The following CPLX2 variants were observed in gnomAD, a reference collection of about 807,000 sequenced individuals.
CPLX2 encodes complexin 2, also known as complexin-2.
A neutral mutation model predicts 16.3 loss-of-function variants in CPLX2; 5 were observed. The ratio of observed to expected loss-of-function variants is 0.31; its 90% confidence interval spans 0.16 to 0.64. The LOEUF is 0.64. Among genes scored for constraint, CPLX2 ranks in the 30% least tolerant of loss-of-function variants. The pLI is 0.79. For synonymous variants in CPLX2, 89 were observed against 73.2 expected (o/e 1.22, Z -1.10); for missense variants, 144 against 181.4 (o/e 0.79, Z 1.18).
intron 2 of CPLX2, among the ~76,000 whole-genome samples, chr5:175,856,202 T>C (rs922325947): frequency 2.0e-5 from 3 of 152,198 alleles, no homozygotes; most frequent in Admixed American, 6.5e-5. Flanking sequence ...GGCATAACAA[T>C]AGTACTTACC....
chr5:175,831,932 A>G (rs1339907750), intron 2 of CPLX2, among the ~76,000 whole-genome samples: 1 of 152,212 alleles, frequency 6.6e-6, no homozygotes, highest in Non-Finnish European at 1.5e-5. Flanking sequence ...AGCTGGGGGC[A>G]CGAGTTATGC....
intron 2 of CPLX2, among the ~76,000 whole-genome samples, chr5:175,859,615 A>G (rs2113687224): frequency 6.6e-6 from 1 of 152,348 alleles, no homozygotes; most frequent in African/African-American, 2.4e-5. Flanking sequence ...CAAAGGTGAA[A>G]TTGCAGAGCT....
chr5:175,864,829 G>C (rs1251635066), intron 2 of CPLX2, among the ~76,000 whole-genome samples: 1 of 152,162 alleles, frequency 6.6e-6, no homozygotes, highest in African/African-American at 2.4e-5. Context: ...AGGTGTTTAG[G>C]ACGTGTGGAG....
Position 175,809,847 on chromosome 5 carries a change from G to A in CPLX2, c.-89+779G>A, listed in dbSNP as rs1758280715. On this transcript the variant is annotated intron_variant, in intron 2 of 4. Coordinates refer to the CPLX2 transcript ENST00000359546. This position sits in a 1 kb window ranked among gnomAD's most constrained non-coding sequence, Gnocchi z 4.4. Reference sequence around the variant, plus strand: ...CATACCAAATAGTCTCTTAAGAGAAGGAACGTCTCCAGGCCACCTCGTATT... The same window carrying A: ...CATACCAAATAGTCTCTTAAGAGAAAGAACGTCTCCAGGCCACCTCGTATT... Among the ~76,000 whole-genome samples the A allele has an allele frequency of 6.6e-6, 1 of 152,232 alleles. No homozygotes were observed. The highest frequency in any genetic ancestry group is 2.1e-4 in the South Asian group (1 of 4,830).
chr5:175,824,491 G>A (rs1160482689), intron 2 of CPLX2, among the ~76,000 whole-genome samples: 1 of 152,228 alleles, frequency 6.6e-6, no homozygotes, highest in Non-Finnish European at 1.5e-5. Context: ...CCAAGGCCCA[G>A]AAAGGCAAAT....
intron 2 of CPLX2, among the ~76,000 whole-genome samples, chr5:175,844,356 G>A (rs554250550): frequency 3.3e-5 from 5 of 152,342 alleles, no homozygotes; most frequent in African/African-American, 7.2e-5. Context: ...AATTGGTCAC[G>A]CATTCATTCA....
intron 2 of CPLX2, among the ~76,000 whole-genome samples, chr5:175,838,266 CTTTT>C (rs1156770920): frequency 8.6e-6 from 1 of 116,774 alleles, no homozygotes. Context: ...CCCCTCCTGT[CTTTT>C]TTTTTTTTTT....
In CPLX2 at chr5:175,872,456, G is replaced by A. The variant is rs1361498530; in HGVS notation, c.-89+751G>A. Among the ~76,000 whole-genome samples, 3 of 152,162 alleles carry A rather than the reference G, an allele frequency of 2.0e-5. No individual in the cohort carries two copies. Among genetic ancestry groups the A allele is most frequent in the Non-Finnish European group, 4.4e-5 (3 of 68,018 alleles). On this transcript the variant is annotated intron_variant, in intron 1 of 3. Coordinates refer to ENST00000393745, the MANE Select transcript of CPLX2 (RefSeq NM_001008220.2). This position sits in a 1 kb window ranked among gnomAD's most constrained non-coding sequence, Gnocchi z 5.0. ...CCGGGTCTTGGGGTTGGAGCTATGT[G>A]TGTTGGGGGAAGGGGCGCTCTCCGT...
intron 2 of CPLX2, among the ~76,000 whole-genome samples, chr5:175,834,511 G>A (rs1181925060): frequency 6.6e-6 from 1 of 152,166 alleles, no homozygotes; most frequent in East Asian, 1.9e-4. Flanking sequence ...GCTTGGGTGG[G>A]AGGAAGCACA....
chr5:175,827,298 T>TC (rs1758635318), intron 2 of CPLX2, among the ~76,000 whole-genome samples: 2 of 152,182 alleles, frequency 1.3e-5, no homozygotes, highest in Non-Finnish European at 2.9e-5. Flanking sequence ...AGGAGCAGCT[T>TC]CCCCAGAGGA....
chr5:175,800,595 T>C lies in CPLX2; in HGVS notation c.-169+3811T>C, dbSNP rs537553898. Among the ~76,000 whole-genome samples, 3 of 152,242 alleles carry C rather than the reference T, an allele frequency of 2.0e-5. No homozygotes were observed. The South Asian group carries it at 6.2e-4, about 32-fold the overall frequency. On this transcript the variant is annotated intron_variant, in intron 1 of 4. Transcript: ENST00000359546. ...TTGTGAAATTATCCCAGCTATCAGC[T>C]TGGGATGAGACTGACTTAGATGCAG... is the stretch of plus-strand genomic sequence containing the variant.
chr5:175,860,137 G>A (rs1759333991), intron 2 of CPLX2, among the ~76,000 whole-genome samples: 1 of 152,178 alleles, frequency 6.6e-6, no homozygotes, highest in Non-Finnish European at 1.5e-5. Flanking sequence ...CCAGGTGGTG[G>A]CAAACCAGTC....
intron 1 of CPLX2, among the ~76,000 whole-genome samples, chr5:175,877,050 G>A (rs1046428005): frequency 1.3e-5 from 2 of 151,932 alleles, no homozygotes; most frequent in Non-Finnish European, 2.9e-5. Flanking sequence ...GCACTTGACC[G>A]GTATCATTCA....
chr5:175,824,921 A>G (rs1758583868), intron 2 of CPLX2, among the ~76,000 whole-genome samples: 3 of 152,086 alleles, frequency 2.0e-5, no homozygotes, highest in Admixed American at 1.3e-4. Context: ...TTCAGACCAG[A>G]TTGGCATTTC....
intron 1 of CPLX2, among the ~76,000 whole-genome samples, chr5:175,808,757 G>A (rs887134776): frequency 6.6e-6 from 1 of 152,240 alleles, no homozygotes; most frequent in Non-Finnish European, 1.5e-5. Flanking sequence ...CCGCACCAGT[G>A]AACAAGATGA....
chr5:175,878,872 T>C (rs1453893080), intron 2 of CPLX2, 36 bp from the exon 3 acceptor site: 3 of 1,607,912 alleles, frequency 1.9e-6, no homozygotes, highest in South Asian at 1.1e-5. Flanking sequence ...GACCCCTAGC[T>C]GACCCCGCCC....
chr5:175,860,569 G>GGAA (rs1759351433), intron 2 of CPLX2, among the ~76,000 whole-genome samples: 1 of 120,832 alleles, frequency 8.3e-6, no homozygotes, highest in Non-Finnish European at 1.7e-5. Context: ...AGAAAAAGAA[G>GGAA]GGAGGGAGGG....
intron 2 of CPLX2, among the ~76,000 whole-genome samples, chr5:175,813,048 C>T (rs1030365728): frequency 2.6e-5 from 4 of 152,188 alleles, no homozygotes; most frequent in Non-Finnish European, 4.4e-5. Context: ...GAGCCACCCT[C>T]CCAGGGCTGT....
chr5:175,848,591 T>A (rs965660619), intron 2 of CPLX2, among the ~76,000 whole-genome samples: 2 of 152,030 alleles, frequency 1.3e-5, no homozygotes, highest in Admixed American at 6.6e-5. Flanking sequence ...GAAGGGTGGG[T>A]GAGGGTCCTA....
Sources: gnomAD v4.1 joint callset for allele counts (sites outside exome capture counted in the v4.1 genomes callset) on GRCh38, gnomAD v4.1.1 for gene constraint, Gnocchi (gnomAD v3.1) non-coding constraint, MANE v1.5 for transcripts, NCBI Gene and HGNC (gene_info 2026-07-23, HGNC 2026-07-21) for gene names.